Variants in NCAM2 observed in about 807,000 individuals in gnomAD.
The protein encoded by NCAM2 is neural cell adhesion molecule 2, also known as N-CAM-2.
Under a neutral mutation model 98.1 loss-of-function variants are expected in NCAM2, and 30 were observed. That is an observed-to-expected ratio of 0.31 (90% CI 0.23 to 0.41). The LOEUF (loss-of-function observed/expected upper bound fraction) is 0.41. Ranked by LOEUF, NCAM2 falls within the 10% of genes least tolerant of loss-of-function variation. The pLI is 1.00. For missense variants in NCAM2, 867 were observed against 1,005.8 expected, an observed-to-expected ratio of 0.86 and a Z score of 1.87; for synonymous variants, 368 against 342.4, an observed-to-expected ratio of 1.07 and a Z score of -0.83.
chr21:21,224,821 T>C (rs1473989537), intron 1 of NCAM2, among the ~76,000 whole-genome samples: 1 of 152,086 alleles, frequency 6.6e-6, no homozygotes, highest in South Asian at 2.1e-4. Context: ...TTAAAACCAA[T>C]GATGAAATAG....
intron 14 of NCAM2, among the ~76,000 whole-genome samples, chr21:21,474,444 TG>T (rs1228826801): frequency 6.6e-6 from 1 of 152,092 alleles, no homozygotes; most frequent in Non-Finnish European, 1.5e-5. Flanking sequence ...TTTCCAAAAA[TG>T]GTATTTTTGA....
chr21:21,288,942 A>G (rs951860475), intron 4 of NCAM2, among the ~76,000 whole-genome samples: 1 of 151,960 alleles, frequency 6.6e-6, no homozygotes, highest in Non-Finnish European at 1.5e-5. Context: ...GAGATTTTCC[A>G]TGTTGCTCAT....
rs369874550 is a variant in NCAM2, at chr21:21,370,091, A to G, written c.1045-3772A>G. On this transcript the variant is annotated intron_variant, in intron 8 of 17. Coordinates refer to ENST00000400546, the MANE Select transcript of NCAM2 (RefSeq NM_004540.5). ...TTAAATTTTGCAATTGCCCCCTAAA[A>G]TTACATAGCCAGTACAGTTCCTGAC... Among the ~76,000 whole-genome samples the G allele has an allele frequency of 2.0e-4, 31 of 151,894 alleles. No individual in the cohort carries two copies. In the East Asian group the frequency reaches 5.8e-3, roughly 29 times the overall value.
intron 1 of NCAM2, chr21:21,147,318 T>C (rs1351850252): frequency 6.2e-6 from 6 of 972,416 alleles, no homozygotes; most frequent in Middle Eastern, 5.2e-4. Flanking sequence ...GACAATTTAT[T>C]TGTTGAATGT....
In NCAM2 at chr21:21,275,388, T is replaced by C. The variant is rs576286849; in HGVS notation, c.56-5190T>C. On this transcript the variant is annotated intron_variant, in intron 1 of 17. Coordinates refer to ENST00000400546, the MANE Select transcript of NCAM2 (RefSeq NM_004540.5). ...CTGGGAGGCGGAGCTTGCAGTGAGC[T>C]GAGATCATGCCACTGCACTCCAGCC... Among the ~76,000 whole-genome samples, 19 of 151,150 alleles carry C rather than the reference T, an allele frequency of 1.3e-4. No individual in the cohort carries two copies. In the East Asian group the frequency reaches 2.9e-3, roughly 23 times the overall value.
rs140960209 is a variant in NCAM2 at position 21,143,724 on chromosome 21, T to C, written c.56-136854T>C. On this transcript the variant is annotated intron_variant, in intron 1 of 17. Coordinates refer to ENST00000400546, the MANE Select transcript of NCAM2 (RefSeq NM_004540.5). ...GCGCCTTGGTTTTTCCATCTCTTCA[T>C]GCACCAAAAACGCATTATTTAAAAT... Among the ~76,000 whole-genome samples the C allele has an allele frequency of 7.2e-5, 11 of 152,010 alleles. No individual in the cohort carries two copies. In the East Asian group the frequency reaches 2.1e-3, roughly 29 times the overall value.
chr21:21,367,797 T>G (rs914134129), intron 8 of NCAM2, among the ~76,000 whole-genome samples: 17 of 151,562 alleles, frequency 1.1e-4, no homozygotes, highest in Admixed American at 1.1e-3. Context: ...GAGGTACCAC[T>G]AAGTAAAGTA....
At chr21:21,010,664 C>G (rs2064192706) in intron 1 of NCAM2, among the ~76,000 whole-genome samples, 1 of 152,036 alleles carries the variant, frequency 6.6e-6, no homozygotes, top group African/African-American at 2.4e-5. Context: ...TGTGATTAGT[C>G]AAGTTTCACT....
chr21:21,456,814 G>A (rs1482281844), intron 12 of NCAM2, among the ~76,000 whole-genome samples: 1 of 152,022 alleles, frequency 6.6e-6, no homozygotes, highest in Admixed American at 6.6e-5. Flanking sequence ...ATATTCCAGG[G>A]AGCGACCTAA....
At chr21:21,324,331 G>T in intron 5 of NCAM2, 52 bp from the exon 6 acceptor site, 1 of 1,291,224 alleles carries the variant, frequency 7.7e-7, no homozygotes, top group Non-Finnish European at 1.1e-6. Flanking sequence ...TCTAAATGAT[G>T]GTAGTGAAGG....
At chr21:21,088,023 A>G (rs1326808656) in intron 1 of NCAM2, among the ~76,000 whole-genome samples, 1 of 152,136 alleles carries the variant, frequency 6.6e-6, no homozygotes, top group Non-Finnish European at 1.5e-5. Flanking sequence ...ATATTTTCTC[A>G]TGTGTTTTAT....
chr21:21,515,873 G>A (rs1021274864), intron 16 of NCAM2, among the ~76,000 whole-genome samples: 1 of 152,088 alleles, frequency 6.6e-6, no homozygotes, highest in Non-Finnish European at 1.5e-5. Flanking sequence ...AACTGAAGAA[G>A]ACGGCAATTT....
chr21:21,034,897 G>T lies in NCAM2; in HGVS notation c.55+36279G>T, dbSNP rs192185972. 5.7e-3 allele frequency among the ~76,000 whole-genome samples: 870 copies of T among 152,178 alleles called. 2 individuals carry two copies. The highest frequency in any genetic ancestry group is 0.011 in the Admixed American group (166 of 15,278). ...GATTTACCATATAGGGTTTTTAAAA[G>T]TTACCTTGCTGGAACTTTTCATAAG... On this transcript the variant is annotated intron_variant, in intron 1 of 17. Coordinates refer to ENST00000400546, the MANE Select transcript of NCAM2 (RefSeq NM_004540.5).
At chr21:21,262,960 T>G (rs1197312131) in intron 1 of NCAM2, among the ~76,000 whole-genome samples, 1 of 152,020 alleles carries the variant, frequency 6.6e-6, no homozygotes, top group Non-Finnish European at 1.5e-5. Flanking sequence ...GGGAAAGACC[T>G]GCCCCCATGA....
intron 4 of NCAM2, among the ~76,000 whole-genome samples, chr21:21,291,668 A>T (rs569329639): frequency 6.6e-6 from 1 of 151,764 alleles, no homozygotes; most frequent in African/African-American, 2.4e-5. Flanking sequence ...GAGACGCAAA[A>T]TTTTTTGTTT....
chr21:21,449,286 A>T (rs1271856869), intron 12 of NCAM2, among the ~76,000 whole-genome samples: 3 of 152,054 alleles, frequency 2.0e-5, no homozygotes, highest in Non-Finnish European at 4.4e-5. Flanking sequence ...GAGTAGTGAG[A>T]AAACAAATAT....
At chr21:21,293,871 T>C (rs1009668180) in intron 5 of NCAM2, among the ~76,000 whole-genome samples, 1 of 151,590 alleles carries the variant, frequency 6.6e-6, no homozygotes, top group Non-Finnish European at 1.5e-5. Context: ...AAGGGAATTA[T>C]AATAAAAATT....
At chr21:21,092,873 A>G (rs970603517) in intron 1 of NCAM2, among the ~76,000 whole-genome samples, 32 of 152,158 alleles carry the variant, frequency 2.1e-4, no homozygotes, top group African/African-American at 6.7e-4. Flanking sequence ...TTTGTTAAGC[A>G]AAATTTTATT....
intron 11 of NCAM2, among the ~76,000 whole-genome samples, chr21:21,424,036 G>C (rs1861456032): frequency 6.6e-6 from 1 of 152,032 alleles, no homozygotes; most frequent in South Asian, 2.1e-4. Flanking sequence ...TAGTTCATTT[G>C]GTATCACACT....
Sources: allele counts gnomAD v4.1 joint callset (sites outside exome capture counted in the v4.1 genomes callset), GRCh38; gene constraint gnomAD v4.1.1; transcripts MANE v1.5; gene names NCBI Gene and HGNC (gene_info 2026-07-23, HGNC 2026-07-21).